P3H3: variants seen among roughly 807,000 people sequenced by gnomAD.
P3H3 encodes the protein prolyl 3-hydroxylase 3.
P3H3 carries 64 observed loss-of-function variants against 78.1 expected under a neutral mutation model. That is an observed-to-expected ratio of 0.82 (90% CI 0.67 to 1.01). The LOEUF (loss-of-function observed/expected upper bound fraction) is 1.01. P3H3 is among the 50% of genes least tolerant of loss of function. P3H3 has a pLI of 0.00. For missense variants in P3H3, 975 were observed against 982.2 expected (o/e 0.99, Z 0.10); for synonymous variants, 425 against 416.7 (o/e 1.02, Z -0.24).
intron 9 of P3H3, 127 bp downstream of exon 9, chr12:6,834,176 T>C (rs1184905374): frequency 5.1e-6 from 7 of 1,381,038 alleles, no homozygotes; most frequent in Non-Finnish European, 5.9e-6. Flanking sequence ...TGCTTACCAC[T>C]GCCTCTCAGC....
rs1308248575 is a variant in P3H3 at position 6,828,547 on chromosome 12, C to T, written c.107C>T (p.Ala36Val). Residue 36 changes from alanine to valine, a missense_variant, in exon 1 of 15, where the codon GCC becomes GTC. Physicochemically the swap from Ala to Val is moderately conservative, Grantham distance 64. Transcript: ENST00000290510. The stretch of plus-strand genomic sequence containing the variant: ...CTGTCCCCGGGGGCGCCCCCGCAGG[C>T]CCCCGACTTGCTCTACGCTGACGGG... ...TQLSPGAPPQAPDLLYADGLR... is the reference protein window; with the variant it reads ...TQLSPGAPPQVPDLLYADGLR... The T allele has an allele frequency of 2.4e-6, 3 of 1,272,912 alleles. No individual in the cohort carries two copies. The highest frequency in any genetic ancestry group is 2.0e-6 in the Non-Finnish European group (2 of 1,009,180). The allele number at this position is 1,272,912 out of a possible 1,614,324, so 78.9% of individuals were successfully genotyped here. A position where few individuals can be genotyped will look rare whatever the true frequency, so the allele number is the denominator to read the frequency against.
chr12:6,828,726 GC>G lies in P3H3; in HGVS notation c.290del (p.Pro97ArgfsTer29), dbSNP rs1555120837. The G allele has an allele frequency of 4.0e-6, 5 of 1,246,442 alleles. No homozygotes were observed. The highest frequency in any genetic ancestry group is 3.3e-5 in the South Asian group (1 of 30,024). The allele number at this position is 1,246,442 out of a possible 1,614,324, so 77.2% of individuals were successfully genotyped here. ...CGCGCTCCCCGCCGTGCTTCTCGGG[GC>G]CCCGGAGCCCGACTCCGGGCCGGGA... ...GAALPAVLLG[A>X]PEPDSGPGPT... On this transcript the variant is annotated frameshift_variant, in exon 1 of 15. Transcript: ENST00000290510. LOFTEE classifies it high-confidence loss of function.
chr12:6,832,894 G>C (rs1555121648), intron 6 of P3H3, among the ~76,000 whole-genome samples: 4 of 292 alleles, frequency 0.014, no homozygotes, highest in African/African-American at 0.051. Context: ...TGAGCCACCG[G>C]AACCCGGCCT....
rs782577450 is a variant in P3H3, at chr12:6,831,063, G to T, written c.986-153G>T. 1 of 1,018,836 alleles carries T rather than the reference G, an allele frequency of 9.8e-7. No homozygotes were observed. Among genetic ancestry groups the T allele is most frequent in the South Asian group, 1.3e-5 (1 of 78,256 alleles). The allele number at this position is 1,018,836 out of a possible 1,614,324, so 63.1% of individuals were successfully genotyped here. On this transcript the variant is annotated intron_variant, in intron 4 of 14. Coordinates refer to ENST00000290510, the MANE Select transcript of P3H3 (RefSeq NM_014262.5). This position sits in a 1 kb window ranked among gnomAD's most constrained non-coding sequence, Gnocchi z 4.6. ...GTTTGCACCAGTGTTTGAAAGAACC[G>T]GCAGCTGAACTTGTCTGCCAGTGGG...
In P3H3 at chr12:6,830,530, G is replaced by C. The variant is rs1555121200; in HGVS notation, c.829G>C (p.Gly277Arg). ...EEEEDGAASQ[G>R]GLYEAIAGHW... ...AGAGGAGGATGGGGCTGCGAGCCAG[G>C]GGGGCCTCTATGAGGCCATTGCAGG... Residue 277 changes from glycine (G) to arginine (R), a missense_variant, in exon 3 of 15, where the codon GGG becomes CGG. Coordinates refer to ENST00000290510, the MANE Select transcript of P3H3 (RefSeq NM_014262.5). 1.3e-6 allele frequency: 2 copies of C among 1,574,292 alleles called. No individual in the cohort carries two copies. Among genetic ancestry groups the C allele is most frequent in the Non-Finnish European group, 1.7e-6 (2 of 1,160,532 alleles).
intron 13 of P3H3, among the ~76,000 whole-genome samples, 193 bp downstream of exon 13, chr12:6,838,226 A>G (rs1943520705): frequency 6.6e-6 from 1 of 152,188 alleles, no homozygotes; most frequent in South Asian, 2.1e-4. Context: ...CCCTACCATC[A>G]GTATTTGTCT....
chr12:6,829,214 C>T lies in P3H3; in HGVS notation c.498+276C>T. The T allele has an allele frequency of 2.7e-6, 1 of 368,702 alleles. No homozygotes were observed. Among genetic ancestry groups the T allele is most frequent in the Middle Eastern group, 6.8e-4 (1 of 1,464 alleles). 22.8% of individuals were successfully genotyped at this position (368,702 alleles called of 1,614,324 possible). On this transcript the variant is annotated intron_variant, in intron 1 of 14. Coordinates refer to ENST00000290510, the MANE Select transcript of P3H3 (RefSeq NM_014262.5). This position sits in a 1 kb window ranked among gnomAD's most constrained non-coding sequence, Gnocchi z 5.1. ...GATCGAAGATGGAGGGACAGGGCCG[C>T]CTCTTCCTAGGAATGAAGCGGAGGC... is the stretch of plus-strand genomic sequence containing the variant.
intron 9 of P3H3, among the ~76,000 whole-genome samples, chr12:6,835,602 A>T (rs902719531): frequency 6.6e-6 from 1 of 152,014 alleles, no homozygotes; most frequent in Non-Finnish European, 1.5e-5. Context: ...AAATTTTTTT[A>T]AATAATTAAT....
chr12:6,834,378 C>A (rs924529341), intron 9 of P3H3, among the ~76,000 whole-genome samples: 1 of 152,162 alleles, frequency 6.6e-6, no homozygotes, highest in South Asian at 2.1e-4. Flanking sequence ...TCAGCAGACA[C>A]GCAGGCCTTT....
Position 6,837,958 on chromosome 12 carries a change from C to T in P3H3, c.1830C>T (p.Ser610=), listed in dbSNP as rs199534193. The change falls in exon 13 of 15, where the codon AGC becomes AGT. Residue 610 remains serine, a splice_region_variant and synonymous_variant. Transcript: ENST00000290510. The part of the protein sequence containing the change: ...EPPAYTYRDY[S]GLLYLNDDFQ... ...GCCTCTTGCTTTTTTCCCTCCCCAG[C>T]GGACTCCTCTACCTCAACGATGACT... 126 of 1,604,712 alleles carry T rather than the reference C, an allele frequency of 7.9e-5. 1 individual carries two copies. In the Middle Eastern group the frequency reaches 8.2e-4, roughly 10 times the overall value.
chr12:6,839,176 G>C (rs1565515352), intron 14 of P3H3, 36 bp downstream of exon 14: 1 of 1,579,450 alleles, frequency 6.3e-7, no homozygotes, highest in African/African-American at 1.3e-5. Context: ...TGGTTCTCCT[G>C]GTGCGTGAAG....
intron 6 of P3H3, among the ~76,000 whole-genome samples, 162 bp downstream of exon 6, chr12:6,832,076 G>C (rs1193715966): frequency 6.6e-6 from 1 of 152,152 alleles, no homozygotes; most frequent in Non-Finnish European, 1.5e-5. Context: ...AGTTAGGGCG[G>C]CTTTGGGGTC....
In P3H3 at chr12:6,837,578, G is replaced by A. The variant is rs781963836; in HGVS notation, c.1711+5G>A. ...TGTGCCGCAGCGCCATAGAAGGTAC[G>A]ACAGGGACCCCCCACTGCTCTTCTC... On this transcript the variant is annotated splice_donor_5th_base_variant and intron_variant, in intron 11 of 14. Transcript: ENST00000290510. 25 of 1,611,254 alleles carry A rather than the reference G, an allele frequency of 1.6e-5. 1 individual carries two copies. Among genetic ancestry groups the A allele is most frequent in the South Asian group, 3.3e-5 (3 of 90,570 alleles).
Position 6,830,706 on chromosome 12 carries a change from C to A in P3H3, c.921C>A (p.Arg307=). 6 of 1,613,928 alleles carry A rather than the reference C, an allele frequency of 3.7e-6. No homozygotes were observed. Among genetic ancestry groups the A allele is most frequent in the Non-Finnish European group, 4.2e-6 (5 of 1,179,852 alleles). The part of the protein sequence containing the change: ...CVGETATRPG[R]SFPVPDFLPN... ...GGGAAACAGCCACACGCCCTGGTCGCAGCTTCCCTGTCCCAGACTTCCTTC... is the reference window on the plus strand; with the variant it reads ...GGGAAACAGCCACACGCCCTGGTCGAAGCTTCCCTGTCCCAGACTTCCTTC... Residue 307 remains arginine, a synonymous_variant, in exon 4 of 15, where the codon CGC becomes CGA. Transcript: ENST00000290510.
At chr12:6,838,955 TGA>T in intron 13 of P3H3, 43 bp from the exon 14 acceptor site, 1 of 1,523,550 alleles carries the variant, frequency 6.6e-7, no homozygotes, top group African/African-American at 1.4e-5. Flanking sequence ...CCAAGTTCTC[TGA>T]GAGAGCCAAT....
chr12:6,830,679 G>A lies in P3H3; in HGVS notation c.894G>A (p.Val298=). ...IQVLQCRQRC[V]GETATRPGRS... ...TCCTGCAGTGCCGGCAACGCTGTGT[G>A]GGGGAAACAGCCACACGCCCTGGTC... The change falls in exon 4 of 15, where the codon GTG becomes GTA. Residue 298 remains valine (V), a synonymous_variant. Coordinates refer to ENST00000290510, the MANE Select transcript of P3H3 (RefSeq NM_014262.5). The A allele has an allele frequency of 1.2e-6, 2 of 1,613,536 alleles. No individual in the cohort carries two copies. Among genetic ancestry groups the A allele is most frequent in the Non-Finnish European group, 1.7e-6 (2 of 1,179,694 alleles).
chr12:6,831,908 G>A lies in P3H3; in HGVS notation c.1206G>A (p.Lys402=). 6.3e-7 allele frequency: 1 copy of A among 1,590,132 alleles called. No homozygotes were observed. The highest frequency in any genetic ancestry group is 8.6e-7 in the Non-Finnish European group (1 of 1,161,430). The change falls in exon 6 of 15, where the codon AAG becomes AAA. Residue 402 remains lysine, a synonymous_variant. Coordinates refer to ENST00000290510, the MANE Select transcript of P3H3 (RefSeq NM_014262.5). The surrounding 1 kb of genome is among the most constrained non-coding windows in gnomAD (Gnocchi z 4.6). ...TGGAGCACCTGGGGACCAGCTTCAAGGATCCTGTGAGTCACTCCACTTCTG... is the reference window on the plus strand; with the variant it reads ...TGGAGCACCTGGGGACCAGCTTCAAAGATCCTGTGAGTCACTCCACTTCTG... ...YAMEHLGTSF[K]DPDPWTPAAL...
intron 10 of P3H3, 97 bp downstream of exon 10, chr12:6,837,183 G>A: frequency 1.8e-6 from 2 of 1,140,718 alleles, no homozygotes; most frequent in Non-Finnish European, 1.2e-6. Flanking sequence ...TTGTGAAGGA[G>A]CTTTCTTGGG....
In P3H3 at chr12:6,829,282, T is replaced by C. The variant is rs1385799700; in HGVS notation, c.498+344T>C. On this transcript the variant is annotated intron_variant, in intron 1 of 14. Transcript: ENST00000290510. This position sits in a 1 kb window ranked among gnomAD's most constrained non-coding sequence, Gnocchi z 5.1. ...CTCTCGGACGGGAAGTGTGCGTGGG[T>C]GTGTGTGTGTGTCGGGGGTGGTGGT... is the stretch of plus-strand genomic sequence containing the variant. The C allele has an allele frequency of 8.5e-6, 2 of 236,546 alleles. No homozygotes were observed. Among genetic ancestry groups the C allele is most frequent in the Non-Finnish European group, 1.6e-5 (2 of 123,356 alleles). The allele number at this position is 236,546 out of a possible 1,614,324, so 14.7% of individuals were successfully genotyped here.
Sources: gnomAD v4.1 joint callset for allele counts (sites outside exome capture counted in the v4.1 genomes callset) on GRCh38, gnomAD v4.1.1 for gene constraint, Gnocchi (gnomAD v3.1) non-coding constraint, MANE v1.5 for transcripts, NCBI Gene and HGNC (gene_info 2026-07-23, HGNC 2026-07-21) for gene names.